PPP1R1C: variants seen among roughly 807,000 people sequenced by gnomAD.
PPP1R1C encodes protein phosphatase 1 regulatory inhibitor subunit 1C.
In PPP1R1C, 15 loss-of-function variants were observed where a neutral mutation model predicts 17.4. The observed-to-expected ratio is 0.86, with a 90% CI of 0.58 to 1.33. The LOEUF is 1.33. Among genes scored for constraint, PPP1R1C ranks in the 40% most tolerant of loss-of-function variants. The probability of loss-of-function intolerance (pLI) is 0.00; values close to 1 mark genes in which losing one functional copy is unlikely to be tolerated. For missense variants in PPP1R1C, 143 were observed against 130.0 expected, an observed-to-expected ratio of 1.10 and a Z score of -0.48; for synonymous variants, 35 against 43.1, an observed-to-expected ratio of 0.81 and a Z score of 0.73.
chr2:182,012,546 T>C (rs564723917), intron 2 of PPP1R1C, among the ~76,000 whole-genome samples: 1 of 151,970 alleles, frequency 6.6e-6, no homozygotes, highest in South Asian at 2.1e-4. Flanking sequence ...TGGGTCTTTT[T>C]AAAAAAAACC....
chr2:182,127,918 C>T (rs1380807565), intron 5 of PPP1R1C, among the ~76,000 whole-genome samples: 1 of 151,984 alleles, frequency 6.6e-6, no homozygotes, highest in Non-Finnish European at 1.5e-5. Context: ...AAAATATTAA[C>T]ATTCTGTAGA....
intron 4 of PPP1R1C, among the ~76,000 whole-genome samples, chr2:182,079,836 G>C (rs1465436168): frequency 1.3e-5 from 2 of 152,048 alleles, no homozygotes; most frequent in Non-Finnish European, 2.9e-5. Flanking sequence ...GGTGTTTCTG[G>C]GAGTGGAACT....
chr2:182,089,954 T>C (rs1376271177), intron 4 of PPP1R1C, among the ~76,000 whole-genome samples: 1 of 152,100 alleles, frequency 6.6e-6, no homozygotes, highest in South Asian at 2.1e-4. Context: ...AATTTTTAAA[T>C]GCTTATAATA....
At chr2:182,042,292 T>G (rs1559069066) in intron 2 of PPP1R1C, among the ~76,000 whole-genome samples, 1 of 152,134 alleles carries the variant, frequency 6.6e-6, no homozygotes, top group South Asian at 2.1e-4. Context: ...ATATGAAAAA[T>G]GAGTGACTTA....
chr2:182,069,359 T>G (rs138856921), intron 4 of PPP1R1C, among the ~76,000 whole-genome samples: 51 of 152,262 alleles, frequency 3.3e-4, no homozygotes, highest in African/African-American at 1.2e-3. Flanking sequence ...CTGAGTTTTA[T>G]GCTCATCTTT....
intron 2 of PPP1R1C, chr2:181,975,383 T>C (rs1032248823): frequency 6.6e-6 from 1 of 152,022 alleles, no homozygotes; most frequent in African/African-American, 2.4e-5. Context: ...ATACTATTTA[T>C]ATTTTGAACA....
At chr2:182,060,806 A>G (rs965218051) in intron 2 of PPP1R1C, among the ~76,000 whole-genome samples, 4 of 152,188 alleles carry the variant, frequency 2.6e-5, no homozygotes, top group East Asian at 3.9e-4. Context: ...GTGACGAGGT[A>G]AAAAAGAAAC....
rs114964421 is a variant in PPP1R1C, at chr2:182,078,949, C to T, written c.241+15158C>T. Among the ~76,000 whole-genome samples, 1,147 of 152,260 alleles carry T rather than the reference C, an allele frequency of 7.5e-3. 17 individuals carry two copies. Among genetic ancestry groups the T allele is most frequent in the African/African-American group, 0.026 (1,100 of 41,556 alleles). On this transcript the variant is annotated intron_variant, in intron 4 of 4. Transcript: ENST00000682840. ...ACATTCTGAAAGTATGGCCAGGCAACATACAGTCAATCATATAAAATACAT... is the reference window on the plus strand; with the variant it reads ...ACATTCTGAAAGTATGGCCAGGCAATATACAGTCAATCATATAAAATACAT...
At position 182,117,478 on chromosome 2, in the gene PPP1R1C, G is replaced by T; in HGVS notation, c.*183G>T. 1 of 495,836 alleles carries T rather than the reference G, an allele frequency of 2.0e-6. No homozygotes were observed. Among genetic ancestry groups the T allele is most frequent in the Non-Finnish European group, 3.6e-6 (1 of 276,254 alleles). 30.7% of individuals were successfully genotyped at this position (495,836 alleles called of 1,614,324 possible). A position where few individuals can be genotyped will look rare whatever the true frequency, so the allele number is the denominator to read the frequency against. On this transcript the variant is annotated 3_prime_UTR_variant, in exon 5 of 5. Coordinates refer to ENST00000682840, the MANE Select transcript of PPP1R1C (RefSeq NM_001080545.3). ...TGAACTTTAGAACTAAGTACACATT[G>T]TTCCACATCACTTATAATTAAAGAA...
intron 4 of PPP1R1C, among the ~76,000 whole-genome samples, chr2:182,074,933 A>G (rs1362787744): frequency 6.6e-6 from 1 of 152,214 alleles, no homozygotes; most frequent in African/African-American, 2.4e-5. Flanking sequence ...TAACTACCAA[A>G]TTCTAAACAC....
At chr2:182,117,056 T>G in intron 4 of PPP1R1C, 151 bp from the exon 5 acceptor site, 1 of 631,560 alleles carries the variant, frequency 1.6e-6, no homozygotes, top group Non-Finnish European at 2.8e-6. Flanking sequence ...ATTAAAAGGT[T>G]TATATAGGAT....
chr2:181,961,504 T>C lies in PPP1R1C; in HGVS notation n.111+6870T>C. On this transcript the variant is annotated intron_variant and non_coding_transcript_variant, in intron 1 of 5. Transcript: ENST00000464264. The surrounding 1 kb of genome is among the most constrained non-coding windows in gnomAD (Gnocchi z 5.8). ...CTGCAGGGTGTAGCGGGCCTCCACC[T>C]CCCTCAGGCTGTTCTCCAAGCTGGC... is the stretch of plus-strand genomic sequence containing the variant. 4 of 1,116,260 alleles carry C rather than the reference T, an allele frequency of 3.6e-6. No homozygotes were observed. Among genetic ancestry groups the C allele is most frequent in the South Asian group, 2.6e-5 (2 of 75,596 alleles). The allele number at this position is 1,116,260 out of a possible 1,614,324, so 69.1% of individuals were successfully genotyped here.
chr2:182,033,011 C>G (rs944471598), intron 2 of PPP1R1C, among the ~76,000 whole-genome samples: 1 of 152,140 alleles, frequency 6.6e-6, no homozygotes, highest in African/African-American at 2.4e-5. Flanking sequence ...ACTTTACCCC[C>G]AAATTCACTC....
chr2:182,002,935 C>CCT (rs10650337), intron 2 of PPP1R1C, among the ~76,000 whole-genome samples: 2,487 of 138,914 alleles, frequency 0.018, 75 homozygotes, highest in African/African-American at 0.062. Flanking sequence ...AAACCTCCCC[C>CCT]CCCCCACAAC....
At chr2:182,043,162 T>C (rs1687236317) in intron 2 of PPP1R1C, among the ~76,000 whole-genome samples, 1 of 152,176 alleles carries the variant, frequency 6.6e-6, no homozygotes, top group Admixed American at 6.5e-5. Flanking sequence ...TTTAGATGAA[T>C]GCAAAATGCA....
intron 4 of PPP1R1C, among the ~76,000 whole-genome samples, chr2:182,101,049 G>A (rs995319433): frequency 1.3e-5 from 2 of 152,148 alleles, no homozygotes; most frequent in Admixed American, 6.5e-5. Flanking sequence ...GAACTAAACA[G>A]TAGATCGCCA....
chr2:182,120,698 C>G (rs916641346), downstream of PPP1R1C, among the ~76,000 whole-genome samples: 2 of 152,092 alleles, frequency 1.3e-5, no homozygotes, highest in African/African-American at 4.8e-5. Context: ...ATAACATTGC[C>G]CTTCCCTTTC....
At chr2:181,965,836 G>T (rs1182400339) in intron 1 of PPP1R1C, among the ~76,000 whole-genome samples, 2 of 152,172 alleles carry the variant, frequency 1.3e-5, no homozygotes, top group Non-Finnish European at 2.9e-5. Context: ...CTATTTCCAT[G>T]AAGAATGTCA....
At chr2:181,994,460 T>G (rs1256413232) in intron 2 of PPP1R1C, among the ~76,000 whole-genome samples, 2 of 152,160 alleles carry the variant, frequency 1.3e-5, no homozygotes, top group African/African-American at 4.8e-5. Context: ...TTGAAGTAGT[T>G]CTCTCATGCT....
Sources: gnomAD v4.1 joint callset for allele counts (sites outside exome capture counted in the v4.1 genomes callset) on GRCh38, gnomAD v4.1.1 for gene constraint, Gnocchi (gnomAD v3.1) non-coding constraint, MANE v1.5 for transcripts, NCBI Gene and HGNC (gene_info 2026-07-23, HGNC 2026-07-21) for gene names.